The following MIR2052HG variants were observed in gnomAD, a reference collection of about 807,000 sequenced individuals.
MIR2052HG encodes MIR2052 host gene.
intron 2 of MIR2052HG, among the ~76,000 whole-genome samples, chr8:74,614,609 C>G (rs1174773522): frequency 1.3e-5 from 2 of 151,986 alleles, no homozygotes; most frequent in East Asian, 1.9e-4. Flanking sequence ...ACATTGCTTT[C>G]CCCTTATAAT....
chr8:74,601,289 A>T (rs1312825402), intron 1 of MIR2052HG, among the ~76,000 whole-genome samples: 2 of 152,220 alleles, frequency 1.3e-5, no homozygotes, highest in South Asian at 2.1e-4. Context: ...TCCAACTGGA[A>T]TTGCCATTCC....
chr8:74,719,283 A>G (rs1402528568), intron 4 of MIR2052HG, among the ~76,000 whole-genome samples: 1 of 152,142 alleles, frequency 6.6e-6, no homozygotes, highest in Non-Finnish European at 1.5e-5. Flanking sequence ...AACACCCACC[A>G]AATACTCAAT....
intron 1 of MIR2052HG, among the ~76,000 whole-genome samples, chr8:74,611,966 A>G (rs1271730588): frequency 6.6e-6 from 1 of 152,214 alleles, no homozygotes; most frequent in Admixed American, 6.5e-5. Context: ...GCAAGGGACA[A>G]CCAAAGCCTG....
intron 2 of MIR2052HG, among the ~76,000 whole-genome samples, chr8:74,675,056 A>T (rs1457683492): frequency 6.6e-6 from 1 of 152,060 alleles, no homozygotes; most frequent in Non-Finnish European, 1.5e-5. Context: ...TTATTCAATA[A>T]TTGAACAAAT....
chr8:74,631,625 G>C (rs900919902), intron 2 of MIR2052HG, among the ~76,000 whole-genome samples: 1 of 152,208 alleles, frequency 6.6e-6, no homozygotes, highest in African/African-American at 2.4e-5. Flanking sequence ...TTTTGGACCA[G>C]TAGTAATAAC....
At chr8:74,641,658 G>GT (rs1008952403) in intron 2 of MIR2052HG, among the ~76,000 whole-genome samples, 8 of 151,484 alleles carry the variant, frequency 5.3e-5, no homozygotes, top group Non-Finnish European at 7.4e-5. Flanking sequence ...ATTTCATGGG[G>GT]TTTTTTTTGG....
intron 2 of MIR2052HG, among the ~76,000 whole-genome samples, chr8:74,670,944 A>G (rs918891419): frequency 1.4e-5 from 2 of 147,916 alleles, no homozygotes; most frequent in East Asian, 3.9e-4. Context: ...TTTTTCTCTC[A>G]TTTATTTTGT....
At chr8:74,639,229 A>G (rs1808613477) in intron 2 of MIR2052HG, among the ~76,000 whole-genome samples, 1 of 152,094 alleles carries the variant, frequency 6.6e-6, no homozygotes, top group African/African-American at 2.4e-5. Context: ...TTTATATTAT[A>G]TTTTCAATTC....
intron 4 of MIR2052HG, among the ~76,000 whole-genome samples, chr8:74,707,580 T>A (rs1419049804): frequency 6.6e-6 from 1 of 151,652 alleles, no homozygotes; most frequent in African/African-American, 2.4e-5. Flanking sequence ...TCTTTGGACT[T>A]TTTTTTTAAC....
chr8:74,734,613 T>C (rs929842948), intron 4 of MIR2052HG, among the ~76,000 whole-genome samples: 1 of 152,224 alleles, frequency 6.6e-6, no homozygotes, highest in Non-Finnish European at 1.5e-5. Flanking sequence ...TCAAAGCTTA[T>C]GAAACACAGT....
intron 4 of MIR2052HG, among the ~76,000 whole-genome samples, chr8:74,729,731 G>T (rs992107041): frequency 1.3e-5 from 2 of 152,106 alleles, no homozygotes; most frequent in African/African-American, 4.8e-5. Flanking sequence ...TATTACTTAA[G>T]GGAGATTTGC....
At chr8:74,624,993 G>T (rs1808415572) in intron 2 of MIR2052HG, among the ~76,000 whole-genome samples, 1 of 152,114 alleles carries the variant, frequency 6.6e-6, no homozygotes, top group Non-Finnish European at 1.5e-5. Context: ...AAACCATATG[G>T]ATCCAGGAGT....
chr8:74,723,120 T>G (rs1018235752), intron 4 of MIR2052HG, among the ~76,000 whole-genome samples: 2 of 152,196 alleles, frequency 1.3e-5, no homozygotes, highest in Non-Finnish European at 2.9e-5. Context: ...ATGAAGAAAA[T>G]GTCTTGCCTG....
chr8:74,618,802 G>A (rs1808320531), intron 2 of MIR2052HG, among the ~76,000 whole-genome samples: 1 of 152,128 alleles, frequency 6.6e-6, no homozygotes, highest in Non-Finnish European at 1.5e-5. Context: ...AGAGCAATTA[G>A]ACAAAAGAAA....
intron 4 of MIR2052HG, among the ~76,000 whole-genome samples, chr8:74,750,490 G>A (rs1238205931): frequency 1.3e-5 from 2 of 152,102 alleles, no homozygotes; most frequent in African/African-American, 4.8e-5. Context: ...TAGGAACAAG[G>A]CTTGCAAATA....
At chr8:74,752,559 T>G in intron 5 of MIR2052HG, 1 of 453,268 alleles carries the variant, frequency 2.2e-6, no homozygotes, top group Non-Finnish European at 4.4e-6. Context: ...ATTTTCTCTC[T>G]GACTTTTCAG....
intron 4 of MIR2052HG, among the ~76,000 whole-genome samples, chr8:74,736,615 TG>T (rs779946509): frequency 6.6e-6 from 1 of 152,220 alleles, no homozygotes; most frequent in Non-Finnish European, 1.5e-5. Flanking sequence ...GAAATATTTT[TG>T]TCAAGAGGAC....
chr8:74,603,105 C>T (rs1446131776), intron 1 of MIR2052HG: 2 of 606,972 alleles, frequency 3.3e-6, no homozygotes, highest in Non-Finnish European at 5.9e-6. Flanking sequence ...GCACCAACAG[C>T]TGAACAGAGA....
chr8:74,700,012 C>G (rs548848699), intron 2 of MIR2052HG, among the ~76,000 whole-genome samples: 6 of 152,188 alleles, frequency 3.9e-5, no homozygotes, highest in African/African-American at 1.4e-4. Flanking sequence ...AACCATTTTG[C>G]TAAGAATAAT....
Sources: allele counts gnomAD v4.1 joint callset (sites outside exome capture counted in the v4.1 genomes callset), GRCh38; gene constraint gnomAD v4.1.1; transcripts MANE v1.5; gene names NCBI Gene and HGNC (gene_info 2026-07-23, HGNC 2026-07-21).